The following NALF1 variants were observed in gnomAD, a reference collection of about 807,000 sequenced individuals.
NALF1 encodes family with sequence similarity 155 member A.
In NALF1, 3 loss-of-function variants were observed where a neutral mutation model predicts 48.4. That is an observed-to-expected ratio of 0.06 (90% CI 0.03 to 0.16). The LOEUF is 0.16. Among genes scored for constraint, NALF1 ranks in the 10% least tolerant of loss-of-function variants. The pLI, the probability that NALF1 is intolerant of heterozygous loss-of-function variation, is 1.00. For synonymous variants in NALF1, 262 were observed against 245.7 expected, an observed-to-expected ratio of 1.07 and a Z score of -0.62; for missense variants, 526 against 571.5, an observed-to-expected ratio of 0.92 and a Z score of 0.81.
At chr13:107,673,759 A>G (rs1881046001) in intron 1 of NALF1, among the ~76,000 whole-genome samples, 2 of 152,262 alleles carry the variant, frequency 1.3e-5, no homozygotes, top group Middle Eastern at 6.8e-3. Flanking sequence ...TATACATTGC[A>G]TGTATCAAAA....
rs35071894 is a variant in NALF1 at position 107,854,868 on chromosome 13, CAAAAAAAA to C, written c.915+10806_915+10813del. 3.9e-4 allele frequency among the ~76,000 whole-genome samples: 32 copies of C among 81,956 alleles called. No individual in the cohort carries two copies. In the South Asian group the frequency reaches 0.012, roughly 32 times the overall value. The allele number at this position is 81,956 out of a possible 152,430, so 53.8% of individuals were successfully genotyped here. A position where few individuals can be genotyped will look rare whatever the true frequency, so the allele number is the denominator to read the frequency against. On this transcript the variant is annotated intron_variant, in intron 1 of 2. Coordinates refer to ENST00000375915, the MANE Select transcript of NALF1 (RefSeq NM_001080396.3). ...CAGCCTGGCGACACAGGTTCCATCT[CAAAAAAAA>C]AAAAAAAGAAAAAAAGACCTATATG...
intron 1 of NALF1, among the ~76,000 whole-genome samples, chr13:107,772,974 GAA>G (rs1203686141): frequency 6.6e-6 from 1 of 152,084 alleles, no homozygotes; most frequent in Non-Finnish European, 1.5e-5. Context: ...TATCACATTT[GAA>G]AAGAGGGTTT....
intron 1 of NALF1, among the ~76,000 whole-genome samples, chr13:107,428,686 A>T (rs1024198003): frequency 2.6e-5 from 4 of 152,108 alleles, no homozygotes; most frequent in African/African-American, 9.7e-5. Context: ...ACAAAACAAA[A>T]CCAAAAAACA....
intron 1 of NALF1, among the ~76,000 whole-genome samples, chr13:107,436,407 A>C (rs12100314): frequency 1.3e-5 from 2 of 152,012 alleles, no homozygotes; most frequent in Non-Finnish European, 2.9e-5. Context: ...TTAATATTTG[A>C]AAACAAATCT....
intron 1 of NALF1, among the ~76,000 whole-genome samples, chr13:107,227,553 T>C (rs1204812776): frequency 6.6e-6 from 1 of 152,242 alleles, no homozygotes; most frequent in Non-Finnish European, 1.5e-5. Flanking sequence ...TTTTCTGAAA[T>C]ATCTTTGTCG....
rs140997178 is a variant in NALF1 at position 107,688,219 on chromosome 13, G to C, written c.915+177463C>G. 3.9e-3 allele frequency among the ~76,000 whole-genome samples: 601 copies of C among 152,288 alleles called. 7 individuals are homozygous for C. Among genetic ancestry groups the C allele is most frequent in the African/African-American group, 0.013 (542 of 41,566 alleles). ...TTATGGCTATGAAGGTGGAGGCTCA[G>C]AATAGTTCATTAACTTCCCCAAGGC... On this transcript the variant is annotated intron_variant, in intron 1 of 2. Coordinates refer to ENST00000375915, the MANE Select transcript of NALF1 (RefSeq NM_001080396.3).
intron 1 of NALF1, among the ~76,000 whole-genome samples, chr13:107,259,734 TTAA>T (rs769326703): frequency 3.3e-5 from 5 of 152,220 alleles, no homozygotes; most frequent in East Asian, 3.9e-4. Flanking sequence ...TTATCTGAAC[TTAA>T]TAACCAACTG....
chr13:107,241,462 A>T (rs1051262805), intron 1 of NALF1, among the ~76,000 whole-genome samples: 5 of 152,218 alleles, frequency 3.3e-5, no homozygotes, highest in Admixed American at 3.3e-4. Context: ...CGCCTACTCA[A>T]TGAGAGCATG....
intron 1 of NALF1, among the ~76,000 whole-genome samples, chr13:107,570,457 T>C (rs1877952091): frequency 6.6e-6 from 1 of 151,958 alleles, no homozygotes; most frequent in Non-Finnish European, 1.5e-5. Flanking sequence ...CCCATAATTT[T>C]TTCCTTTAAT....
At chr13:107,665,814 A>T (rs1880844526) in intron 1 of NALF1, among the ~76,000 whole-genome samples, 1 of 152,140 alleles carries the variant, frequency 6.6e-6, no homozygotes, top group South Asian at 2.1e-4. Context: ...TGAAAAAGAT[A>T]AACTTTATTT....
At chr13:107,862,145 C>G (rs948292291) in intron 1 of NALF1, among the ~76,000 whole-genome samples, 1 of 152,288 alleles carries the variant, frequency 6.6e-6, no homozygotes, top group African/African-American at 2.4e-5. Context: ...CCCACTTACA[C>G]TGACCAACTG....
intron 1 of NALF1, among the ~76,000 whole-genome samples, chr13:107,550,794 T>C (rs1486312065): frequency 2.0e-5 from 3 of 152,120 alleles, no homozygotes; most frequent in African/African-American, 7.2e-5. Context: ...ACTATAATGT[T>C]AGTTTAGGTC....
At chr13:107,446,053 C>T (rs1884645276) in intron 1 of NALF1, among the ~76,000 whole-genome samples, 1 of 152,046 alleles carries the variant, frequency 6.6e-6, no homozygotes, top group African/African-American at 2.4e-5. Context: ...ATTCTCCTGC[C>T]TCAGCCTCCC....
intron 1 of NALF1, among the ~76,000 whole-genome samples, chr13:107,308,128 A>AT (rs1881973218): frequency 7.4e-6 from 1 of 135,802 alleles, no homozygotes; most frequent in South Asian, 2.3e-4. Context: ...TTCCTCCATT[A>AT]TTTTTTACCC....
At chr13:107,544,906 C>T (rs141598782) in intron 1 of NALF1, among the ~76,000 whole-genome samples, 26 of 152,084 alleles carry the variant, frequency 1.7e-4, no homozygotes, top group Non-Finnish European at 2.6e-4. Flanking sequence ...TGGAGATCAC[C>T]GTCCTCTGCA....
At chr13:107,481,846 A>G (rs187276851) in intron 1 of NALF1, among the ~76,000 whole-genome samples, 6 of 152,288 alleles carry the variant, frequency 3.9e-5, no homozygotes, top group African/African-American at 1.4e-4. Flanking sequence ...GTAGTCTTTA[A>G]GTGTTTTTAC....
chr13:107,854,305 T>C (rs1880389092), intron 1 of NALF1, among the ~76,000 whole-genome samples: 1 of 152,274 alleles, frequency 6.6e-6, no homozygotes, highest in Admixed American at 6.5e-5. Flanking sequence ...TGCATTTTCA[T>C]GCTTGTGGCC....
intron 1 of NALF1, among the ~76,000 whole-genome samples, chr13:107,718,084 G>A (rs766921247): frequency 5.9e-5 from 9 of 152,104 alleles, no homozygotes; most frequent in Non-Finnish European, 1.2e-4. Flanking sequence ...TCTCTTCAGC[G>A]AATGCGTATC....
chr13:107,357,513 G>A (rs1440487550), intron 1 of NALF1, among the ~76,000 whole-genome samples: 1 of 152,138 alleles, frequency 6.6e-6, no homozygotes. Flanking sequence ...GATACGTTGT[G>A]TTAAAAACAA....
Sources: allele counts gnomAD v4.1 joint callset (sites outside exome capture counted in the v4.1 genomes callset), GRCh38; gene constraint gnomAD v4.1.1; transcripts MANE v1.5; gene names NCBI Gene and HGNC (gene_info 2026-07-23, HGNC 2026-07-21).